The following CLNK variants were observed in gnomAD, a reference collection of about 807,000 sequenced individuals.
CLNK encodes cytokine dependent hematopoietic cell linker, also known as cytokine-dependent hematopoietic cell linker.
In CLNK, 74 loss-of-function variants were observed where a neutral mutation model predicts 68.6. The observed-to-expected ratio is 1.08, with a 90% confidence interval of 0.89 to 1.31. The LOEUF is 1.31. Ranked by LOEUF, CLNK falls within the 50% of genes most tolerant of loss-of-function variation. The probability of loss-of-function intolerance (pLI) is 0.00; values close to 1 mark genes in which losing one functional copy is unlikely to be tolerated. For synonymous variants in CLNK, 198 were observed against 172.2 expected (o/e 1.15, Z -1.17); for missense variants, 553 against 515.3 (o/e 1.07, Z -0.71).
intron 3 of CLNK, among the ~76,000 whole-genome samples, chr4:10,587,680 C>T (rs564819438): frequency 6.6e-6 from 1 of 152,310 alleles, no homozygotes; most frequent in South Asian, 2.1e-4. Context: ...AATGAAATAA[C>T]CTGTGGGCTC....
Position 10,531,824 on chromosome 4 carries a change from C to T in CLNK, c.630+432G>A, listed in dbSNP as rs1418120902. The T allele has an allele frequency of 1.5e-5, 7 of 459,654 alleles. No homozygotes were observed. The East Asian group carries it at 2.1e-4, about 14-fold the overall frequency. The allele number at this position is 459,654 out of a possible 1,614,324, so 28.5% of individuals were successfully genotyped here. A position where few individuals can be genotyped will look rare whatever the true frequency, so the allele number is the denominator to read the frequency against. On this transcript the variant is annotated intron_variant, in intron 12 of 18. Transcript: ENST00000226951. ...AAGTTCACAAAGCGAGTAGGTGGCA[C>T]GGCAGGATTCCTACCCAGGTCTTGT...
upstream of CLNK, among the ~76,000 whole-genome samples, chr4:10,688,215 G>A (rs1306028631): frequency 6.6e-6 from 1 of 152,168 alleles, no homozygotes; most frequent in African/African-American, 2.4e-5. Context: ...TGAGTTGTGG[G>A]TAAGTGATTT....
intron 18 of CLNK, among the ~76,000 whole-genome samples, chr4:10,494,712 G>A (rs1283559859): frequency 6.6e-6 from 1 of 152,206 alleles, no homozygotes; most frequent in African/African-American, 2.4e-5. Context: ...ACCCGCCTTG[G>A]CCTCCTAAAG....
chr4:10,529,707 G>A (rs965487265), intron 12 of CLNK, among the ~76,000 whole-genome samples: 3 of 152,184 alleles, frequency 2.0e-5, no homozygotes, highest in Non-Finnish European at 4.4e-5. Flanking sequence ...TGTTCAAAGT[G>A]CTCAATCGGA....
chr4:10,606,400 A>G (rs1721793562), intron 2 of CLNK, among the ~76,000 whole-genome samples: 1 of 152,064 alleles, frequency 6.6e-6, no homozygotes, highest in Non-Finnish European at 1.5e-5. Flanking sequence ...TCCCTCCTCA[A>G]GAACCTGCCT....
intron 8 of CLNK, among the ~76,000 whole-genome samples, chr4:10,547,888 C>T (rs1054150765): frequency 2.6e-5 from 4 of 152,156 alleles, no homozygotes; most frequent in African/African-American, 2.4e-5. Flanking sequence ...ATCCATTCAT[C>T]TGTCTATGGA....
rs373836222 is a variant in CLNK at position 10,675,714 on chromosome 4, TG to T, written c.-42-7804del. Reference sequence around the variant, plus strand: ...TCTATTTATTTAAAAGCTTAGGAAATGTCATTCTAATAATATCTACAAGATA... The same window carrying T: ...TCTATTTATTTAAAAGCTTAGGAAATTCATTCTAATAATATCTACAAGATA... On this transcript the variant is annotated intron_variant, in intron 1 of 18. Transcript: ENST00000226951. 4.8e-4 allele frequency among the ~76,000 whole-genome samples: 73 copies of T among 152,254 alleles called. 1 individual carries two copies. The East Asian group carries it at 0.014, about 28-fold the overall frequency.
chr4:10,526,270 A>T (rs896240038), intron 13 of CLNK, among the ~76,000 whole-genome samples: 5 of 152,184 alleles, frequency 3.3e-5, no homozygotes, highest in African/African-American at 1.2e-4. Context: ...TCATTCATTT[A>T]TATCATTCGA....
chr4:10,734,543 A>T, the CLNK span, among the ~76,000 whole-genome samples: 3 of 152,228 alleles, frequency 2.0e-5, no homozygotes, highest in Admixed American at 1.3e-4. Context: ...AAGACACAGC[A>T]ATTTAGCAAG....
rs192845059 is a variant in CLNK, at chr4:10,540,821, T to G, written c.492-217A>C. Reference sequence around the variant, plus strand: ...GGGGAGTCAATGTGCTCCTCCATAGTGCACCTGTTTTGGCTTTAGGAGGCC... The same window carrying G: ...GGGGAGTCAATGTGCTCCTCCATAGGGCACCTGTTTTGGCTTTAGGAGGCC... On this transcript the variant is annotated intron_variant, in intron 10 of 18. Coordinates refer to ENST00000226951, the MANE Select transcript of CLNK (RefSeq NM_052964.4). Among the ~76,000 whole-genome samples the G allele has an allele frequency of 7.9e-5, 12 of 152,294 alleles. No individual in the cohort carries two copies. In the East Asian group the frequency reaches 2.1e-3, roughly 27 times the overall value.
At chr4:10,554,333 A>G (rs1719578107) in intron 8 of CLNK, among the ~76,000 whole-genome samples, 1 of 152,238 alleles carries the variant, frequency 6.6e-6, no homozygotes, top group South Asian at 2.1e-4. Context: ...CAGTTCTTGT[A>G]CATTGCAATT....
chr4:10,701,775 G>T, the CLNK span, among the ~76,000 whole-genome samples: 1 of 152,144 alleles, frequency 6.6e-6, no homozygotes, highest in Non-Finnish European at 1.5e-5. Flanking sequence ...GGTGATATGG[G>T]GTCGCCAAAC....
chr4:10,527,336 T>C (rs1447735849), intron 13 of CLNK, among the ~76,000 whole-genome samples: 1 of 152,192 alleles, frequency 6.6e-6, no homozygotes, highest in East Asian at 1.9e-4. Context: ...AAGTTAGGCC[T>C]CACTTCAAGT....
At chr4:10,669,844 A>G (rs546456635) in intron 1 of CLNK, among the ~76,000 whole-genome samples, 69 of 152,310 alleles carry the variant, frequency 4.5e-4, no homozygotes, top group African/African-American at 1.6e-3. Context: ...CTGATGGCCC[A>G]CTGTGGCAGT....
In CLNK at chr4:10,648,330, T is replaced by C. The variant is rs1723593276; in HGVS notation, c.11+19529A>G. Reference sequence around the variant, plus strand: ...CTGTGTCTCAAATGCTATTATATGCTGGAGCTGTTATTGTCTTAGGACTCC... The same window carrying C: ...CTGTGTCTCAAATGCTATTATATGCCGGAGCTGTTATTGTCTTAGGACTCC... On this transcript the variant is annotated intron_variant, in intron 2 of 18. Transcript: ENST00000226951. Among the ~76,000 whole-genome samples the C allele has an allele frequency of 2.6e-5, 4 of 152,212 alleles. No homozygotes were observed. The South Asian group carries it at 6.2e-4, about 24-fold the overall frequency.
chr4:10,571,004 G>T (rs1407621031), intron 5 of CLNK, among the ~76,000 whole-genome samples: 2 of 152,092 alleles, frequency 1.3e-5, no homozygotes, highest in Non-Finnish European at 2.9e-5. Context: ...AAACTCCCAA[G>T]AATGGAATTA....
At chr4:10,609,559 C>A (rs1039406565) in intron 2 of CLNK, among the ~76,000 whole-genome samples, 3 of 152,222 alleles carry the variant, frequency 2.0e-5, no homozygotes, top group Non-Finnish European at 2.9e-5. Flanking sequence ...CCTGTCAAGA[C>A]CCTCACACAG....
At chr4:10,539,411 C>G (rs6833569) in intron 11 of CLNK, among the ~76,000 whole-genome samples, 54 of 152,282 alleles carry the variant, frequency 3.5e-4, no homozygotes, top group African/African-American at 1.1e-3. Flanking sequence ...ATGAGCCTAT[C>G]CTGAGTTTTT....
At chr4:10,548,876 G>T (rs962607468) in intron 8 of CLNK, among the ~76,000 whole-genome samples, 3 of 152,158 alleles carry the variant, frequency 2.0e-5, no homozygotes, top group Non-Finnish European at 4.4e-5. Context: ...CCTTACTTGT[G>T]TGCATGTTTG....
Sources: allele counts gnomAD v4.1 joint callset (sites outside exome capture counted in the v4.1 genomes callset), GRCh38; gene constraint gnomAD v4.1.1; transcripts MANE v1.5; gene names NCBI Gene and HGNC (gene_info 2026-07-23, HGNC 2026-07-21).